The following XKR9 variants were observed in gnomAD, a reference collection of about 807,000 sequenced individuals.
XKR9 encodes the protein XK related 9, also known as XK-related protein 9.
A neutral mutation model predicts 32.0 loss-of-function variants in XKR9; 32 were observed. The ratio of observed to expected loss-of-function variants is 1.00; its 90% CI spans 0.76 to 1.34. The LOEUF (loss-of-function observed/expected upper bound fraction) is 1.34, where lower values mean the gene tolerates loss of function less well. Among genes scored for constraint, XKR9 ranks in the 40% most tolerant of loss-of-function variants. The pLI is 0.00. For synonymous variants in XKR9, 168 were observed against 143.4 expected, an observed-to-expected ratio of 1.17 and a Z score of -1.22; for missense variants, 546 against 429.7, an observed-to-expected ratio of 1.27 and a Z score of -2.39.
At chr8:71,034,915 C>A in the XKR9 span, among the ~76,000 whole-genome samples, 1 of 152,152 alleles carries the variant, frequency 6.6e-6, no homozygotes, top group Non-Finnish European at 1.5e-5. Context: ...ATGTATTTAT[C>A]ATTTCTGCCT....
the XKR9 span, among the ~76,000 whole-genome samples, chr8:71,049,494 G>A: frequency 2.6e-5 from 4 of 152,232 alleles, no homozygotes; most frequent in African/African-American, 9.6e-5. Flanking sequence ...CTGATGGTGA[G>A]GGGAAGGTAG....
chr8:70,758,128 G>A (rs2130200182), intron 2 of XKR9, among the ~76,000 whole-genome samples: 1 of 152,140 alleles, frequency 6.6e-6, no homozygotes, highest in East Asian at 1.9e-4. Flanking sequence ...TTTAGTGATT[G>A]GCTGGATTAT....
the XKR9 span, among the ~76,000 whole-genome samples, chr8:70,853,497 A>G: frequency 6.6e-6 from 1 of 151,890 alleles, no homozygotes; most frequent in Non-Finnish European, 1.5e-5. Flanking sequence ...CCATGTACTC[A>G]TAAAAACTAA....
chr8:70,736,271 G>A (rs1421636350), downstream of XKR9, among the ~76,000 whole-genome samples: 1,214 of 150,842 alleles, frequency 8.0e-3, 18 homozygotes, highest in Non-Finnish European at 0.012. Flanking sequence ...GTCTTCTTTT[G>A]AGAAGTGTCT....
At chr8:70,930,139 TA>T in the XKR9 span, among the ~76,000 whole-genome samples, 3 of 152,152 alleles carry the variant, frequency 2.0e-5, no homozygotes, top group Non-Finnish European at 4.4e-5. Flanking sequence ...AAAAATCACT[TA>T]AAAAATGTAG....
the XKR9 span, among the ~76,000 whole-genome samples, chr8:71,044,323 G>A: frequency 5.9e-5 from 9 of 152,146 alleles, no homozygotes; most frequent in Non-Finnish European, 8.8e-5. Context: ...CAGCTGTTGC[G>A]ATCGCTCAGT....
intron 4 of XKR9, among the ~76,000 whole-genome samples, chr8:70,727,494 G>A (rs999628884): frequency 6.6e-6 from 1 of 151,920 alleles, no homozygotes; most frequent in East Asian, 1.9e-4. Context: ...TCCGCCTCCC[G>A]GATTCAGTCG....
the XKR9 span, among the ~76,000 whole-genome samples, chr8:71,036,165 C>A: frequency 6.6e-6 from 1 of 152,154 alleles, no homozygotes; most frequent in Non-Finnish European, 1.5e-5. Context: ...TATTAATCTG[C>A]CTTTCATTAT....
At chr8:70,993,710 G>A in the XKR9 span, among the ~76,000 whole-genome samples, 5 of 148,976 alleles carry the variant, frequency 3.4e-5, no homozygotes, top group South Asian at 1.0e-3. Flanking sequence ...CCCTCAGAAA[G>A]AATAGATTGT....
Position 70,674,810 on chromosome 8 carries a change from G to GT in XKR9, c.-360-3dup, listed in dbSNP as rs145251111. On this transcript the variant is annotated splice_region_variant and splice_polypyrimidine_tract_variant and intron_variant, in intron 1 of 4. Transcript: ENST00000408926. ...GTTTACACATCCTTTAATTATACTTGTTTTTAGTGAAGAAGAAGTAAAATA... is the reference window on the plus strand; with the variant it reads ...GTTTACACATCCTTTAATTATACTTGTTTTTTAGTGAAGAAGAAGTAAAATA... The GT allele has an allele frequency of 6.1e-3, 927 of 152,270 alleles. 10 individuals carry two copies. The highest frequency in any genetic ancestry group is 0.021 in the African/African-American group (884 of 41,552). The allele number at this position is 152,270 out of a possible 1,614,324, so 9.4% of individuals were successfully genotyped here.
At chr8:70,681,797 T>C (rs1041662487) in intron 3 of XKR9, among the ~76,000 whole-genome samples, 10 of 149,118 alleles carry the variant, frequency 6.7e-5, no homozygotes, top group African/African-American at 2.6e-4. Context: ...TTAAGAATCA[T>C]GTTGTTATAG....
chr8:70,762,989 GT>G (rs1164976019), intron 2 of XKR9, among the ~76,000 whole-genome samples: 1 of 152,124 alleles, frequency 6.6e-6, no homozygotes, highest in Non-Finnish European at 1.5e-5. Flanking sequence ...GTAAAGGAAG[GT>G]TGATCTAATA....
At chr8:70,782,001 C>G (rs993375782) in intron 2 of XKR9, among the ~76,000 whole-genome samples, 2 of 152,192 alleles carry the variant, frequency 1.3e-5, no homozygotes, top group African/African-American at 4.8e-5. Flanking sequence ...ACATACACAA[C>G]TATGATTGTA....
At chr8:70,812,557 C>T in the XKR9 span, among the ~76,000 whole-genome samples, 2 of 152,166 alleles carry the variant, frequency 1.3e-5, no homozygotes, top group African/African-American at 2.4e-5. Flanking sequence ...CGTCTCAGCC[C>T]AAAATCTCCT....
At chr8:71,014,920 C>G in the XKR9 span, among the ~76,000 whole-genome samples, 2 of 152,082 alleles carry the variant, frequency 1.3e-5, no homozygotes, top group Non-Finnish European at 2.9e-5. Context: ...TGCCAGTTGC[C>G]GATAGGTCTC....
At position 70,746,771 on chromosome 8, in the gene XKR9, C is replaced by CT. The variant is rs905771465; in HGVS notation, n.352+39628dup. On this transcript the variant is annotated intron_variant and non_coding_transcript_variant, in intron 2 of 3. Coordinates refer to the XKR9 transcript ENST00000520273. The stretch of plus-strand genomic sequence containing the variant: ...ATATGGCAGTATTGAGAGGTGGGGC[C>CT]TTTTTTTTTTCAGATTCAGGAGTAT... Among the ~76,000 whole-genome samples, 461 of 142,680 alleles carry CT rather than the reference C, an allele frequency of 3.2e-3. 4 individuals are homozygous for CT. The highest frequency in any genetic ancestry group is 0.01 in the African/African-American group (408 of 38,880). 93.6% of individuals were successfully genotyped at this position (142,680 alleles called of 152,430 possible).
intron 2 of XKR9, among the ~76,000 whole-genome samples, chr8:70,765,569 C>T (rs1015703092): frequency 1.3e-5 from 2 of 152,112 alleles, no homozygotes; most frequent in Non-Finnish European, 2.9e-5. Flanking sequence ...TGTAGGTTGC[C>T]TGCTCACTCT....
intron 4 of XKR9, among the ~76,000 whole-genome samples, chr8:70,732,016 G>T (rs139242446): frequency 0.011 from 1,695 of 152,270 alleles, 36 homozygotes; most frequent in Middle Eastern, 0.041. Context: ...CCTGAACCAA[G>T]ACTTCCTACT....
At chr8:70,877,105 G>A in the XKR9 span, among the ~76,000 whole-genome samples, 8 of 152,224 alleles carry the variant, frequency 5.3e-5, no homozygotes, top group South Asian at 2.1e-4. Flanking sequence ...ATGGCAGAAG[G>A]CACCTCTTCA....
Sources: gnomAD v4.1 joint callset for allele counts (sites outside exome capture counted in the v4.1 genomes callset) on GRCh38, gnomAD v4.1.1 for gene constraint, MANE v1.5 for transcripts, NCBI Gene and HGNC (gene_info 2026-07-23, HGNC 2026-07-21) for gene names.